Variants in NVL observed in about 807,000 individuals in gnomAD.
NVL encodes nuclear VCP like.
A neutral mutation model predicts 110.2 loss-of-function variants in NVL; 84 were observed. The observed-to-expected ratio is 0.76, with a 90% CI of 0.64 to 0.91. The LOEUF (loss-of-function observed/expected upper bound fraction) is 0.91. NVL is among the 40% of genes least tolerant of loss of function. The pLI is 0.00. For missense variants in NVL, 882 were observed against 1,035.9 expected (o/e 0.85, Z 2.04); for synonymous variants, 354 against 361.1 (o/e 0.98, Z 0.22).
chr1:224,231,887 G>A (rs1002685183), intron 21 of NVL, among the ~76,000 whole-genome samples: 133 of 151,754 alleles, frequency 8.8e-4, no homozygotes, highest in African/African-American at 3.1e-3. Context: ...AATTAAGTGG[G>A]TGTGGTGGCA....
At chr1:224,282,071 T>A (rs1413994354) in intron 15 of NVL, among the ~76,000 whole-genome samples, 3 of 124,742 alleles carry the variant, frequency 2.4e-5, no homozygotes, top group African/African-American at 8.7e-5. Flanking sequence ...TTCACTTTAA[T>A]TTTTTTTTTT....
rs116513721 is a variant in NVL, at chr1:224,281,600, C to T, written c.1900-415G>A. Among the ~76,000 whole-genome samples the T allele has an allele frequency of 4.5e-3, 675 of 151,280 alleles. 4 individuals carry two copies. The highest frequency in any genetic ancestry group is 0.016 in the African/African-American group (641 of 41,270). On this transcript the variant is annotated intron_variant, in intron 15 of 22. Coordinates refer to ENST00000281701, the MANE Select transcript of NVL (RefSeq NM_002533.4). ...CAGGCGTGAGCTACTGCGCCTAGCC[C>T]TTTTTGTGGTCTTAATTCTGTGTCT...
intron 17 of NVL, among the ~76,000 whole-genome samples, chr1:224,270,595 T>A (rs1305852009): frequency 6.6e-6 from 1 of 151,884 alleles, no homozygotes; most frequent in African/African-American, 2.4e-5. Context: ...ACCTATAATA[T>A]TCTATATAAT....
At chr1:224,265,476 C>T (rs1044178598) in intron 18 of NVL, among the ~76,000 whole-genome samples, 1 of 152,024 alleles carries the variant, frequency 6.6e-6, no homozygotes, top group Non-Finnish European at 1.5e-5. Flanking sequence ...TGCACTCCAG[C>T]CTGGGCAGTA....
At chr1:224,266,922 C>CA (rs925260497) in intron 18 of NVL, among the ~76,000 whole-genome samples, 4 of 152,176 alleles carry the variant, frequency 2.6e-5, no homozygotes, top group Non-Finnish European at 5.9e-5. Context: ...TAAAAAGTGC[C>CA]AAAATGATGG....
chr1:224,289,611 A>T lies in NVL; in HGVS notation c.1448T>A (p.Met483Lys). Residue 483 changes from methionine (M) to lysine (K), a missense_variant, in exon 13 of 23, where the codon ATG becomes AAG. By Grantham distance (95) the Met-to-Lys change is moderately conservative. Coordinates refer to ENST00000281701, the MANE Select transcript of NVL (RefSeq NM_002533.4). ...CATTAAGACTCTATTGACTGCACAC[A>T]TTGCTGCCTCTCGGCACAGTGCCAT... is the stretch of plus-strand genomic sequence containing the variant. ...DLMALCREAAMCAVNRVLMKL... is the reference protein window; with the variant it reads ...DLMALCREAAKCAVNRVLMKL... 1 of 1,614,256 alleles carries T rather than the reference A, an allele frequency of 6.2e-7. No individual in the cohort carries two copies. The highest frequency in any genetic ancestry group is 8.5e-7 in the Non-Finnish European group (1 of 1,180,052).
chr1:224,288,499 G>A (rs1202051466), intron 13 of NVL, among the ~76,000 whole-genome samples: 1 of 151,968 alleles, frequency 6.6e-6, no homozygotes, highest in Non-Finnish European at 1.5e-5. Context: ...AAGATGAAAG[G>A]ATAAGTCTAA....
At chr1:224,233,082 T>C in intron 21 of NVL, 119 bp downstream of exon 21, 1 of 764,882 alleles carries the variant, frequency 1.3e-6, no homozygotes. Flanking sequence ...AACAGTCTTA[T>C]TAGAAAAACG....
In NVL at chr1:224,298,549, T is replaced by A. The variant is rs182561687; in HGVS notation, c.1063-1931A>T. On this transcript the variant is annotated intron_variant, in intron 10 of 22. Transcript: ENST00000281701. ...CAGAGAAGTGCACTCTGAGAACCAA[T>A]AGGAAGGAGCCTGAACTGCTGGAGC... is the stretch of plus-strand genomic sequence containing the variant. The A allele has an allele frequency of 3.2e-5, 7 of 221,914 alleles. No homozygotes were observed. In the East Asian group the frequency reaches 3.2e-4, roughly 10 times the overall value. The allele number at this position is 221,914 out of a possible 1,614,324, so 13.7% of individuals were successfully genotyped here. A position where few individuals can be genotyped will look rare whatever the true frequency, so the allele number is the denominator to read the frequency against.
rs565555308 is a variant in NVL, at chr1:224,308,339, A to G, written c.343-76T>C. ...CATAAAAGTTGTATTGCCTATAGTA[A>G]TAAGTTTTCTATATTTTGTTTTTTA... On this transcript the variant is annotated intron_variant, in intron 5 of 22. Transcript: ENST00000281701. 5.7e-5 allele frequency: 76 copies of G among 1,324,908 alleles called. No individual in the cohort carries two copies. The African/African-American group carries it at 9.9e-4, about 17-fold the overall frequency. The allele number at this position is 1,324,908 out of a possible 1,614,324, so 82.1% of individuals were successfully genotyped here. A position where few individuals can be genotyped will look rare whatever the true frequency, so the allele number is the denominator to read the frequency against.
At position 224,311,873 on chromosome 1, in the gene NVL, GA is replaced by G; in HGVS notation, c.285-17del. On this transcript the variant is annotated splice_polypyrimidine_tract_variant and intron_variant, in intron 4 of 22. Transcript: ENST00000281701. ...TTCAGTATACCTCAGTAAAAGGAGGGAAAAATGTTTTAAAGACTTTCTCTCC... is the reference window on the plus strand; with the variant it reads ...TTCAGTATACCTCAGTAAAAGGAGGGAAAATGTTTTAAAGACTTTCTCTCC... The G allele has an allele frequency of 6.2e-7, 1 of 1,601,652 alleles. No individual in the cohort carries two copies. The highest frequency in any genetic ancestry group is 8.5e-7 in the Non-Finnish European group (1 of 1,170,062).
chr1:224,294,357 C>A lies in NVL; in HGVS notation c.1235G>T (p.Arg412Leu), dbSNP rs757319956. ...CAAAGCAGGGTCTAACGAGTCTGGT[C>A]GATTAGTAGCTCCAATAACTAGGAC... ...ARVLVIGATN[R>L]PDSLDPALRR... Residue 412 changes from arginine to leucine, a missense_variant, in exon 12 of 23, where the codon CGA (arginine) becomes CTA (leucine). Physicochemically the swap from Arg to Leu is moderately radical, Grantham distance 102. Coordinates refer to ENST00000281701, the MANE Select transcript of NVL (RefSeq NM_002533.4). The A allele has an allele frequency of 6.2e-7, 1 of 1,613,768 alleles. No homozygotes were observed. The highest frequency in any genetic ancestry group is 1.3e-5 in the African/African-American group (1 of 74,840).
At chr1:224,286,930 T>C (rs1360539212) in intron 14 of NVL, among the ~76,000 whole-genome samples, 1 of 152,232 alleles carries the variant, frequency 6.6e-6, no homozygotes, top group Admixed American at 6.5e-5. Context: ...GCATTAAAAT[T>C]GCCTTGATCC....
At chr1:224,235,770 A>G (rs889700675) in intron 20 of NVL, among the ~76,000 whole-genome samples, 3 of 152,068 alleles carry the variant, frequency 2.0e-5, no homozygotes, top group African/African-American at 4.8e-5. Flanking sequence ...AACTACAAAA[A>G]TTTTTTAAAA....
At chr1:224,272,506 T>C (rs1009415773) in intron 17 of NVL, among the ~76,000 whole-genome samples, 1 of 149,832 alleles carries the variant, frequency 6.7e-6, no homozygotes, top group African/African-American at 2.5e-5. Flanking sequence ...TCACCTGAGG[T>C]CAGGAGTTCA....
chr1:224,284,439 G>A (rs1043947142), intron 15 of NVL, among the ~76,000 whole-genome samples: 2 of 151,888 alleles, frequency 1.3e-5, no homozygotes, highest in Admixed American at 1.3e-4. Flanking sequence ...GCAGTGGTGT[G>A]ATCTTGGCTT....
At chr1:224,252,540 CCT>C (rs1662621378) in intron 18 of NVL, among the ~76,000 whole-genome samples, 1 of 152,092 alleles carries the variant, frequency 6.6e-6, no homozygotes, top group East Asian at 1.9e-4. Context: ...ATTATTATTC[CCT>C]TTTTAGCTAA....
intron 17 of NVL, among the ~76,000 whole-genome samples, chr1:224,270,435 G>T (rs1664969422): frequency 6.6e-6 from 1 of 152,134 alleles, no homozygotes; most frequent in African/African-American, 2.4e-5. Flanking sequence ...GTGGGAACCT[G>T]TAATCCCAGC....
chr1:224,321,942 T>C (rs966901130), intron 2 of NVL, among the ~76,000 whole-genome samples: 3 of 151,996 alleles, frequency 2.0e-5, no homozygotes, highest in Admixed American at 2.0e-4. Flanking sequence ...TAGAAGGAAG[T>C]GGACAACATA....
Sources: allele counts gnomAD v4.1 joint callset (sites outside exome capture counted in the v4.1 genomes callset), GRCh38; gene constraint gnomAD v4.1.1; transcripts MANE v1.5; gene names NCBI Gene and HGNC (gene_info 2026-07-23, HGNC 2026-07-21).